The following ZNF775 variants were observed in gnomAD, a reference collection of about 807,000 sequenced individuals.
The protein encoded by ZNF775 is zinc finger protein 775.
Under a neutral mutation model 2.4 loss-of-function variants are expected in ZNF775, and 1 was observed. The observed-to-expected ratio is 0.41, with a 90% confidence interval of 0.15 to 1.94. The LOEUF (loss-of-function observed/expected upper bound fraction) is 1.94. ZNF775 is among the 30% of genes most tolerant of loss of function. The pLI, the probability that ZNF775 is intolerant of heterozygous loss-of-function variation, is 0.30. For missense variants in ZNF775, 823 were observed against 826.6 expected (o/e 1.00, Z 0.05); for synonymous variants, 381 against 373.3 (o/e 1.02, Z -0.24).
intron 1 of ZNF775, chr7:150,380,092 C>G (rs1192460388): frequency 6.6e-6 from 1 of 152,180 alleles, no homozygotes; most frequent in South Asian, 2.1e-4. Flanking sequence ...GCCCTTTGAG[C>G]AAGATGATCT....
chr7:150,390,723 C>G (rs141753546), intron 2 of ZNF775, among the ~76,000 whole-genome samples: 5 of 152,270 alleles, frequency 3.3e-5, no homozygotes, highest in African/African-American at 1.2e-4. Context: ...CCATTGTTTG[C>G]TGATTACAAA....
chr7:150,385,710 C>T (rs73474379), intron 1 of ZNF775, among the ~76,000 whole-genome samples: 2,064 of 152,300 alleles, frequency 0.014, 49 homozygotes, highest in African/African-American at 0.048. Context: ...GTCCTAAATT[C>T]ACCTCATAAT....
At chr7:150,385,195 C>T (rs938542928) in intron 1 of ZNF775, among the ~76,000 whole-genome samples, 6 of 152,184 alleles carry the variant, frequency 3.9e-5, no homozygotes, top group Admixed American at 2.0e-4. Flanking sequence ...CCCCACTGCT[C>T]GCCTTTTCTC....
chr7:150,397,922 C>T lies in ZNF775; in HGVS notation c.1441C>T (p.Arg481Cys), dbSNP rs760181859. 6.2e-7 allele frequency: 1 copy of T among 1,601,930 alleles called. No homozygotes were observed. Among genetic ancestry groups the T allele is most frequent in the South Asian group, 1.1e-5 (1 of 90,818 alleles). The part of the protein sequence containing the change: ...ERPYPCPECG[R>C]RFSQKPNLTR... ...GCCCTACCCGTGCCCCGAGTGCGGC[C>T]GCCGCTTCAGCCAGAAGCCCAACCT... Residue 481 changes from arginine to cysteine, a missense_variant, in exon 3 of 3, where the codon CGC becomes TGC. Transcript: ENST00000329630.
Position 150,397,604 on chromosome 7 carries a change from T to TGCCGCA in ZNF775, c.1129_1134dup (p.Ser377_Arg378dup). 1 of 1,441,910 alleles carries TGCCGCA rather than the reference T, an allele frequency of 6.9e-7. No homozygotes were observed. The highest frequency in any genetic ancestry group is 9.0e-7 in the Non-Finnish European group (1 of 1,105,630). The allele number at this position is 1,441,910 out of a possible 1,614,324, so 89.3% of individuals were successfully genotyped here. ...GCCCTGCCCCAGCTGCGGTAAGAGC[T>TGCCGCA]GCCGCAGCCGCGCCGCGCTGCGCGC... On this transcript the variant is annotated inframe_insertion, in exon 3 of 3. Coordinates refer to ENST00000329630, the MANE Select transcript of ZNF775 (RefSeq NM_173680.4).
In ZNF775 at chr7:150,398,057, G is replaced by A. The variant is rs752556428; in HGVS notation, c.1576G>A (p.Ala526Thr). ...HLLKHQRVHR[A>T]APACSPKEEA... Reference sequence around the variant, plus strand: ...GCTCAAGCACCAGCGCGTGCACCGCGCGGCCCCTGCGTGCAGCCCCAAGGA... The same window carrying A: ...GCTCAAGCACCAGCGCGTGCACCGCACGGCCCCTGCGTGCAGCCCCAAGGA... Residue 526 changes from alanine to threonine, a missense_variant, in exon 3 of 3, where the codon GCG becomes ACG. Coordinates refer to ENST00000329630, the MANE Select transcript of ZNF775 (RefSeq NM_173680.4). The A allele has an allele frequency of 1.3e-6, 2 of 1,564,134 alleles. No individual in the cohort carries two copies. Among genetic ancestry groups the A allele is most frequent in the African/African-American group, 1.3e-5 (1 of 74,098 alleles).
chr7:150,397,183 C>T lies in ZNF775; in HGVS notation c.702C>T (p.Arg234=), dbSNP rs1400044752. 21 of 1,249,072 alleles carry T rather than the reference C, an allele frequency of 1.7e-5. No individual in the cohort carries two copies. The highest frequency in any genetic ancestry group is 6.2e-4 in the Middle Eastern group (2 of 3,216). 77.4% of individuals were successfully genotyped at this position (1,249,072 alleles called of 1,614,324 possible). Residue 234 remains arginine, a synonymous_variant, in exon 3 of 3, where the codon CGC becomes CGT. Transcript: ENST00000329630. ...AGCTGATTCAGGACGCGGCGGCGCG[C>T]CGGGCCTGTCGCCTGCAGCCGGGGC... ...LHELIQDAAA[R]RACRLQPGPP...
chr7:150,379,501 G>C (rs1391433280), intron 1 of ZNF775, 109 bp downstream of exon 1: 1 of 152,110 alleles, frequency 6.6e-6, no homozygotes, highest in African/African-American at 2.4e-5. Context: ...TGCTGCCTCC[G>C]CCCGGCCCGG....
Position 150,397,799 on chromosome 7 carries a change from C to A in ZNF775, c.1318C>A (p.Pro440Thr). ...CCGGGGACAAGCGGGCCTCGCTGGG[C>A]CTGGCGAGCCGCGCCAGTTCATCTG... ...WGRGQAGLAG[P>T]GEPRQFICNE... is the part of the protein sequence containing the mutation. Residue 440 changes from proline to threonine, a missense_variant, in exon 3 of 3, where the codon CCT becomes ACT. Transcript: ENST00000329630. The A allele has an allele frequency of 6.4e-7, 1 of 1,566,672 alleles. No individual in the cohort carries two copies. Among genetic ancestry groups the A allele is most frequent in the Non-Finnish European group, 8.6e-7 (1 of 1,161,574 alleles).
chr7:150,385,805 T>A (rs1478198107), intron 1 of ZNF775, among the ~76,000 whole-genome samples: 2 of 152,166 alleles, frequency 1.3e-5, no homozygotes, highest in African/African-American at 4.8e-5. Context: ...GATAGTTTTG[T>A]GATTTGGAGC....
rs1386450154 is a variant in ZNF775 at position 150,382,752 on chromosome 7, T to C, written c.-50+3360T>C. 1 of 152,530 alleles carries C rather than the reference T, an allele frequency of 6.6e-6. No individual in the cohort carries two copies. The highest frequency in any genetic ancestry group is 2.4e-5 in the African/African-American group (1 of 41,474). 9.4% of individuals were successfully genotyped at this position (152,530 alleles called of 1,614,324 possible). On this transcript the variant is annotated intron_variant, in intron 1 of 2. Transcript: ENST00000329630. The surrounding 1 kb of genome is among the most constrained non-coding windows in gnomAD (Gnocchi z 4.6). Reference sequence around the variant, plus strand: ...CGTCTCTCCAGCCAGCTGCAGCTCCTGCTGACTTATCCCACCCCAGCGCAG... The same window carrying C: ...CGTCTCTCCAGCCAGCTGCAGCTCCCGCTGACTTATCCCACCCCAGCGCAG...
At chr7:150,388,967 G>C (rs1035894908) in intron 2 of ZNF775, among the ~76,000 whole-genome samples, 2 of 152,266 alleles carry the variant, frequency 1.3e-5, no homozygotes, top group Non-Finnish European at 2.9e-5. Context: ...AAGCCGCTTA[G>C]AGCTGGTTGT....
Position 150,382,804 on chromosome 7 carries a change from G to C in ZNF775, c.-50+3412G>C, listed in dbSNP as rs61043001. On this transcript the variant is annotated intron_variant, in intron 1 of 2. Coordinates refer to ENST00000329630, the MANE Select transcript of ZNF775 (RefSeq NM_173680.4). This position sits in a 1 kb window ranked among gnomAD's most constrained non-coding sequence, Gnocchi z 4.6. Reference sequence around the variant, plus strand: ...TCATCCAACGGTGACTTATGGCCCCGGCCTCCTGGCTCGATGAGGGTATGT... The same window carrying C: ...TCATCCAACGGTGACTTATGGCCCCCGCCTCCTGGCTCGATGAGGGTATGT... 2 of 152,412 alleles carry C rather than the reference G, an allele frequency of 1.3e-5. No homozygotes were observed. Among genetic ancestry groups the C allele is most frequent in the South Asian group, 4.1e-4 (2 of 4,824 alleles). 9.4% of individuals were successfully genotyped at this position (152,412 alleles called of 1,614,324 possible).
chr7:150,396,551 G>C lies in ZNF775; in HGVS notation c.70G>C (p.Glu24Gln), dbSNP rs750020032. The C allele has an allele frequency of 2.1e-5, 33 of 1,603,848 alleles. No individual in the cohort carries two copies. Among genetic ancestry groups the C allele is most frequent in the Non-Finnish European group, 2.6e-5 (31 of 1,177,120 alleles). ...LVMKVKQEKPERLLQTLAPQA... is the reference protein window; with the variant it reads ...LVMKVKQEKPQRLLQTLAPQA... Reference sequence around the variant, plus strand: ...GATGAAGGTCAAGCAGGAGAAGCCGGAGCGGCTGCTGCAGACGCTGGCGCC... The same window carrying C: ...GATGAAGGTCAAGCAGGAGAAGCCGCAGCGGCTGCTGCAGACGCTGGCGCC... The change falls in exon 3 of 3, where the codon GAG becomes CAG. Residue 24 changes from glutamate (E) to glutamine (Q), a missense_variant. Physicochemically the swap from Glu to Gln is conservative, Grantham distance 29. Transcript: ENST00000329630.
chr7:150,392,271 T>C (rs938114266), intron 2 of ZNF775, among the ~76,000 whole-genome samples: 1 of 152,248 alleles, frequency 6.6e-6, no homozygotes, highest in African/African-American at 2.4e-5. Context: ...GAGTTGGTTC[T>C]AAGTCGATGA....
In ZNF775 at chr7:150,397,194, G is replaced by C. The variant is rs1257839620; in HGVS notation, c.713G>C (p.Arg238Pro). 24 of 1,157,352 alleles carry C rather than the reference G, an allele frequency of 2.1e-5. No homozygotes were observed. The East Asian group carries it at 9.8e-4, about 47-fold the overall frequency. The allele number at this position is 1,157,352 out of a possible 1,614,324, so 71.7% of individuals were successfully genotyped here. ...IQDAAARRAC[R>P]LQPGPPRGRP... The stretch of plus-strand genomic sequence containing the variant: ...GACGCGGCGGCGCGCCGGGCCTGTC[G>C]CCTGCAGCCGGGGCCGCCGCGGGGG... Residue 238 changes from arginine to proline, a missense_variant, in exon 3 of 3, where the codon CGC becomes CCC. By Grantham distance (103) the Arg-to-Pro change is moderately radical. Transcript: ENST00000329630.
chr7:150,388,076 A>G (rs1377443910), intron 1 of ZNF775, among the ~76,000 whole-genome samples: 2 of 152,096 alleles, frequency 1.3e-5, no homozygotes, highest in African/African-American at 4.8e-5. Context: ...CGTGGTGTCC[A>G]TCACATGCCG....
chr7:150,383,399 G>A (rs1303910547), intron 1 of ZNF775, among the ~76,000 whole-genome samples: 1 of 152,212 alleles, frequency 6.6e-6, no homozygotes, highest in Non-Finnish European at 1.5e-5. Context: ...GGGACGCGCA[G>A]GTGTGGGAGC....
chr7:150,394,259 G>A (rs1271692196), intron 2 of ZNF775, among the ~76,000 whole-genome samples: 7 of 151,970 alleles, frequency 4.6e-5, no homozygotes, highest in Non-Finnish European at 8.8e-5. Context: ...TGTTTATTGG[G>A]TATATTCCTA....
Sources: allele counts gnomAD v4.1 joint callset (sites outside exome capture counted in the v4.1 genomes callset), GRCh38; gene constraint gnomAD v4.1.1; non-coding constraint Gnocchi (gnomAD v3.1); transcripts MANE v1.5; gene names NCBI Gene and HGNC (gene_info 2026-07-23, HGNC 2026-07-21).